LPP: variants seen among roughly 807,000 people sequenced by gnomAD.
LPP encodes lipoma-preferred partner.
A neutral mutation model predicts 60.4 loss-of-function variants in LPP; 38 were observed. That is an observed-to-expected ratio of 0.63 (90% CI 0.49 to 0.83). LPP has a LOEUF of 0.83. Ranked by LOEUF, LPP falls within the 40% of genes least tolerant of loss-of-function variation. The probability of loss-of-function intolerance (pLI) is 0.00; values close to 1 mark genes in which losing one functional copy is unlikely to be tolerated. For synonymous variants in LPP, 328 were observed against 290.8 expected (o/e 1.13, Z -1.30); for missense variants, 902 against 783.6 (o/e 1.15, Z -1.80).
chr3:188,709,211 G>A (rs1866105997), intron 8 of LPP: 2 of 152,154 alleles, frequency 1.3e-5, no homozygotes, highest in Non-Finnish European at 2.9e-5. Flanking sequence ...GTGAGGTTCT[G>A]TGGACGCATA....
chr3:188,772,438 G>A (rs1418021328), intron 9 of LPP, among the ~76,000 whole-genome samples: 1 of 152,194 alleles, frequency 6.6e-6, no homozygotes, highest in African/African-American at 2.4e-5. Flanking sequence ...CTCCAGTACT[G>A]ACAGGAACCC....
chr3:188,708,568 A>G (rs905541796), intron 8 of LPP, 175 bp downstream of exon 8: 1 of 790,280 alleles, frequency 1.3e-6, no homozygotes, highest in Non-Finnish European at 2.1e-6. Flanking sequence ...CAAGACTGCC[A>G]TAGATGTGAT....
intron 9 of LPP, among the ~76,000 whole-genome samples, chr3:188,844,347 T>C (rs896113375): frequency 2.3e-4 from 35 of 152,224 alleles, no homozygotes; most frequent in Non-Finnish European, 5.9e-5. Flanking sequence ...CTCAACGTAT[T>C]TAATACTTCC....
chr3:188,417,485 A>T (rs1786618104), intron 4 of LPP, among the ~76,000 whole-genome samples: 1 of 152,130 alleles, frequency 6.6e-6, no homozygotes, highest in African/African-American at 2.4e-5. Context: ...TGACCCTTGT[A>T]ATTTTGGCAG....
rs138296545 is a variant in LPP, at chr3:188,230,037, A to G, written c.-67+4510A>G. Among the ~76,000 whole-genome samples, 365 of 152,284 alleles carry G rather than the reference A, an allele frequency of 2.4e-3. 1 individual carries two copies. Among genetic ancestry groups the G allele is most frequent in the Non-Finnish European group, 4.1e-3 (277 of 68,024 alleles). On this transcript the variant is annotated intron_variant, in intron 2 of 11. Coordinates refer to ENST00000617246, the MANE Select transcript of LPP (RefSeq NM_001375462.1). ...CTTAGTCCCTGACCCTGAGAAGCTT[A>G]TAGTTAGGGAAAAAGACAAACATAT...
intron 4 of LPP, among the ~76,000 whole-genome samples, chr3:188,429,506 A>G (rs1410409529): frequency 4.6e-5 from 7 of 152,156 alleles, no homozygotes; most frequent in African/African-American, 1.7e-4. Flanking sequence ...GAAAGTGAGC[A>G]TATGTTTTAT....
Position 188,760,203 on chromosome 3 carries a change from G to T in LPP, c.1331G>T (p.Cys444Phe). The change falls in exon 9 of 12, where the codon TGC (cysteine) becomes TTC (phenylalanine). Residue 444 changes from cysteine (C) to phenylalanine (F), a missense_variant. Physicochemically the swap from Cys to Phe is radical, Grantham distance 205 (BLOSUM62 -2). Transcript: ENST00000617246. ...DQVFHVDCFT[C>F]IICNNKLRGQ... ...GTCTTCCACGTGGATTGTTTTACCT[G>T]CATCATCTGCAACAACAAGCTCCGA... 6.2e-7 allele frequency: 1 copy of T among 1,614,074 alleles called. No homozygotes were observed. Among genetic ancestry groups the T allele is most frequent in the Non-Finnish European group, 8.5e-7 (1 of 1,179,998 alleles).
At chr3:188,510,690 GA>G (rs1298675871) in intron 5 of LPP, among the ~76,000 whole-genome samples, 1 of 152,140 alleles carries the variant, frequency 6.6e-6, no homozygotes, top group Non-Finnish European at 1.5e-5. Flanking sequence ...CTGACCCTTT[GA>G]GTCTGCTCTT....
intron 4 of LPP, among the ~76,000 whole-genome samples, chr3:188,480,338 T>C (rs1208507313): frequency 6.6e-6 from 1 of 152,224 alleles, no homozygotes; most frequent in Non-Finnish European, 1.5e-5. Flanking sequence ...CTTTTGAATA[T>C]TAGCTGAATG....
chr3:188,701,065 A>G (rs377369225), intron 7 of LPP, among the ~76,000 whole-genome samples: 1 of 152,238 alleles, frequency 6.6e-6, no homozygotes, highest in Non-Finnish European at 1.5e-5. Flanking sequence ...TTCTGTATTT[A>G]TGGGTTTCTA....
At chr3:188,521,143 A>C in intron 5 of LPP, among the ~76,000 whole-genome samples, 1 of 152,192 alleles carries the variant, frequency 6.6e-6, no homozygotes, top group Non-Finnish European at 1.5e-5. Context: ...ATTGAAATGT[A>C]GGAGTAAAGC....
rs1462953178 is a variant in LPP, at chr3:188,886,703, A to G, written c.*12224A>G. Reference sequence around the variant, plus strand: ...TTCTCCCATATTTAGGGATCATACAATTGTATTGTCTTCAAAACACACACA... The same window carrying G: ...TTCTCCCATATTTAGGGATCATACAGTTGTATTGTCTTCAAAACACACACA... On this transcript the variant is annotated 3_prime_UTR_variant, in exon 12 of 12. Coordinates refer to ENST00000617246, the MANE Select transcript of LPP (RefSeq NM_001375462.1). 9.2e-6 allele frequency: 2 copies of G among 217,278 alleles called. No homozygotes were observed. Among genetic ancestry groups the G allele is most frequent in the East Asian group, 6.7e-5 (1 of 15,022 alleles). The allele number at this position is 217,278 out of a possible 1,614,324, so 13.5% of individuals were successfully genotyped here.
At chr3:188,362,642 T>C (rs1769829962) in intron 3 of LPP, among the ~76,000 whole-genome samples, 1 of 152,240 alleles carries the variant, frequency 6.6e-6, no homozygotes, top group African/African-American at 2.4e-5. Flanking sequence ...CGTTTTCTCT[T>C]CTTCAGGCTC....
chr3:188,522,842 T>A (rs1819334598), intron 5 of LPP, among the ~76,000 whole-genome samples: 1 of 147,288 alleles, frequency 6.8e-6, no homozygotes, highest in Non-Finnish European at 1.5e-5. Context: ...TATGTGTGTG[T>A]ACGTGTGTGT....
chr3:188,231,211 G>A (rs987276125), intron 2 of LPP, among the ~76,000 whole-genome samples: 2 of 152,194 alleles, frequency 1.3e-5, no homozygotes, highest in Non-Finnish European at 2.9e-5. Flanking sequence ...GGGGAGGGGT[G>A]AATATGAGCA....
chr3:188,648,492 G>A (rs1851503657), intron 7 of LPP, among the ~76,000 whole-genome samples: 1 of 152,158 alleles, frequency 6.6e-6, no homozygotes, highest in African/African-American at 2.4e-5. Flanking sequence ...ACCATGAGCT[G>A]TTCATGTGTA....
At chr3:188,559,086 C>A (rs141506067) in intron 6 of LPP, among the ~76,000 whole-genome samples, 1 of 152,210 alleles carries the variant, frequency 6.6e-6, no homozygotes, top group Non-Finnish European at 1.5e-5. Flanking sequence ...TTGCCTCTGT[C>A]TAGGCCTTAG....
intron 6 of LPP, among the ~76,000 whole-genome samples, chr3:188,542,577 CTTT>C (rs1490403317): frequency 6.6e-6 from 1 of 152,162 alleles, no homozygotes; most frequent in African/African-American, 2.4e-5. Context: ...CATCTAAACA[CTTT>C]TGTATATGTG....
chr3:188,790,955 A>G, intron 9 of LPP, among the ~76,000 whole-genome samples: 1 of 152,144 alleles, frequency 6.6e-6, no homozygotes, highest in East Asian at 1.9e-4. Context: ...AACGCTTTAG[A>G]AAAACACTTT....
Sources: gnomAD v4.1 joint callset for allele counts (sites outside exome capture counted in the v4.1 genomes callset) on GRCh38, gnomAD v4.1.1 for gene constraint, MANE v1.5 for transcripts, NCBI Gene and HGNC (gene_info 2026-07-23, HGNC 2026-07-21) for gene names.